The following UBTD2 variants were observed in gnomAD, a reference collection of about 807,000 sequenced individuals.
The protein encoded by UBTD2 is ubiquitin domain containing 2.
A neutral mutation model predicts 19.8 loss-of-function variants in UBTD2; 9 were observed. That is an observed-to-expected ratio of 0.46 (90% confidence interval 0.27 to 0.79). UBTD2 has a LOEUF of 0.79. Among genes scored for constraint, UBTD2 ranks in the 30% least tolerant of loss-of-function variants. UBTD2 has a pLI of 0.14. For missense variants in UBTD2, 250 were observed against 300.4 expected (o/e 0.83, Z 1.24); for synonymous variants, 98 against 103.9 (o/e 0.94, Z 0.35).
At chr5:172,265,261 T>A (rs1755353013) in intron 1 of UBTD2, among the ~76,000 whole-genome samples, 1 of 152,208 alleles carries the variant, frequency 6.6e-6, no homozygotes, top group Admixed American at 6.5e-5. Flanking sequence ...ATAATAGGCT[T>A]CTGTACAACT....
At chr5:172,224,718 G>A (rs1771727213) in intron 2 of UBTD2, among the ~76,000 whole-genome samples, 2 of 152,146 alleles carry the variant, frequency 1.3e-5, no homozygotes, top group African/African-American at 4.8e-5. Context: ...AGTTTCCTAA[G>A]GCCCCCTCAG....
At chr5:172,281,296 C>T (rs921958373) in intron 1 of UBTD2, among the ~76,000 whole-genome samples, 8 of 152,186 alleles carry the variant, frequency 5.3e-5, no homozygotes, top group Non-Finnish European at 1.0e-4. Flanking sequence ...TAACCCAACA[C>T]ATTCAGATTA....
chr5:172,229,721 G>A (rs1424206090), intron 2 of UBTD2, among the ~76,000 whole-genome samples: 2 of 152,020 alleles, frequency 1.3e-5, no homozygotes, highest in African/African-American at 4.8e-5. Flanking sequence ...ATTACAAAAA[G>A]CATTAAGTGT....
At chr5:172,273,553 T>A (rs1017178694) in intron 1 of UBTD2, among the ~76,000 whole-genome samples, 8 of 131,752 alleles carry the variant, frequency 6.1e-5, no homozygotes, top group Non-Finnish European at 9.2e-5. Flanking sequence ...ATTGTACCAC[T>A]GCGCTCCAGC....
At chr5:172,272,819 G>A (rs978137765) in intron 1 of UBTD2, among the ~76,000 whole-genome samples, 6 of 152,078 alleles carry the variant, frequency 3.9e-5, no homozygotes, top group African/African-American at 1.4e-4. Flanking sequence ...GGTCGCTCAC[G>A]CCTGTAATCC....
At chr5:172,263,869 G>GTGTGTGTGTGTGTC (rs1376003859) in intron 1 of UBTD2, among the ~76,000 whole-genome samples, 10 of 151,852 alleles carry the variant, frequency 6.6e-5, no homozygotes, top group Non-Finnish European at 1.3e-4. Flanking sequence ...GTGTGTGTGT[G>GTGTGTGTGTGTGTC]TGTGTGTAAT....
intron 1 of UBTD2, among the ~76,000 whole-genome samples, chr5:172,242,765 A>AT (rs1772158020): frequency 6.6e-6 from 1 of 152,128 alleles, no homozygotes; most frequent in South Asian, 2.1e-4. Context: ...ATGCTTTAGT[A>AT]TATCTATTGA....
chr5:172,256,501 G>T (rs1755154655), intron 1 of UBTD2, among the ~76,000 whole-genome samples: 1 of 150,798 alleles, frequency 6.6e-6, no homozygotes, highest in Admixed American at 6.6e-5. Flanking sequence ...CAAGTAGCTG[G>T]GACTACAGGT....
chr5:172,256,003 C>T (rs1438199212), intron 1 of UBTD2, among the ~76,000 whole-genome samples: 8 of 152,000 alleles, frequency 5.3e-5, no homozygotes, highest in South Asian at 2.1e-4. Flanking sequence ...GCAGGAGAAT[C>T]GCTTGAACCC....
intron 1 of UBTD2, among the ~76,000 whole-genome samples, chr5:172,253,762 G>A (rs925348004): frequency 1.4e-5 from 2 of 139,186 alleles, no homozygotes; most frequent in African/African-American, 5.4e-5. Flanking sequence ...CCAACCCAAT[G>A]AATTCTTAAA....
intron 1 of UBTD2, among the ~76,000 whole-genome samples, chr5:172,263,538 T>C (rs796350894): frequency 4.6e-4 from 70 of 152,318 alleles, no homozygotes; most frequent in African/African-American, 1.6e-3. Flanking sequence ...CTCACGCCTA[T>C]AGTCCCAGCA....
chr5:172,274,162 A>G (rs561395702), intron 1 of UBTD2, among the ~76,000 whole-genome samples: 2 of 126,028 alleles, frequency 1.6e-5, no homozygotes, highest in East Asian at 2.2e-4. Context: ...TTTTTTTGAG[A>G]CGGAGCCTCG....
intron 1 of UBTD2, chr5:172,254,476 G>T: frequency 1.9e-6 from 1 of 519,412 alleles, no homozygotes; most frequent in Non-Finnish European, 3.5e-6. Flanking sequence ...ATTCCAGTAT[G>T]TTTTCCTAAA....
intron 1 of UBTD2, among the ~76,000 whole-genome samples, chr5:172,276,791 C>A (rs930968139): frequency 2.0e-5 from 3 of 151,874 alleles, no homozygotes; most frequent in Non-Finnish European, 4.4e-5. Context: ...AACAAAATGG[C>A]CAGGCACAGT....
At chr5:172,277,445 G>A (rs1012800994) in intron 1 of UBTD2, among the ~76,000 whole-genome samples, 3 of 152,036 alleles carry the variant, frequency 2.0e-5, no homozygotes, top group Non-Finnish European at 2.9e-5. Context: ...GGTGGCTCAC[G>A]TCTGTAATCC....
chr5:172,273,292 T>C (rs1473169452), intron 1 of UBTD2, among the ~76,000 whole-genome samples: 1 of 151,698 alleles, frequency 6.6e-6, no homozygotes, highest in Non-Finnish European at 1.5e-5. Context: ...GCAAGATTCT[T>C]TTTAAAAATG....
At chr5:172,272,016 T>C (rs1755500944) in intron 1 of UBTD2, among the ~76,000 whole-genome samples, 1 of 152,200 alleles carries the variant, frequency 6.6e-6, no homozygotes, top group African/African-American at 2.4e-5. Flanking sequence ...TCAAATAAAA[T>C]TCATTTAGAA....
At chr5:172,227,524 T>C (rs900947218) in intron 2 of UBTD2, among the ~76,000 whole-genome samples, 16 of 132,260 alleles carry the variant, frequency 1.2e-4, no homozygotes, top group African/African-American at 4.3e-4. Context: ...AATTAACTTA[T>C]CAACTTTGTT....
intron 2 of UBTD2, among the ~76,000 whole-genome samples, chr5:172,212,955 C>T (rs1771478876): frequency 1.3e-5 from 2 of 151,344 alleles, no homozygotes; most frequent in Admixed American, 6.6e-5. Context: ...CATGAGCCAC[C>T]GTGCCCAGCC....
Sources: allele counts gnomAD v4.1 joint callset (sites outside exome capture counted in the v4.1 genomes callset), GRCh38; gene constraint gnomAD v4.1.1; transcripts MANE v1.5; gene names NCBI Gene and HGNC (gene_info 2026-07-23, HGNC 2026-07-21).